Variants in C17orf67 observed in about 807,000 individuals in gnomAD.
C17orf67 encodes uncharacterized protein C17orf67.
Under a neutral mutation model 11.2 loss-of-function variants are expected in C17orf67, and 12 were observed. The observed-to-expected ratio is 1.07, with a 90% confidence interval of 0.68 to 1.73. C17orf67 has a LOEUF of 1.73. Among genes scored for constraint, C17orf67 ranks in the 40% most tolerant of loss-of-function variants. The pLI is 0.00. For synonymous variants in C17orf67, 59 were observed against 46.9 expected, an observed-to-expected ratio of 1.26 and a Z score of -1.05; for missense variants, 115 against 113.5, an observed-to-expected ratio of 1.01 and a Z score of -0.06.
chr17:56,803,098 G>A (rs755608413), intron 6 of C17orf67, among the ~76,000 whole-genome samples: 34 of 152,242 alleles, frequency 2.2e-4, no homozygotes, highest in Non-Finnish European at 2.4e-4. Context: ...TGGTGAAACA[G>A]TATAGAGTGA....
At chr17:56,815,014 G>T in intron 5 of C17orf67, 45 bp from the exon 6 acceptor site, 2 of 1,483,774 alleles carry the variant, frequency 1.3e-6, no homozygotes, top group Non-Finnish European at 1.9e-6. Context: ...AGGCTCAGGA[G>T]TTCATGAGCC....
intron 4 of C17orf67, among the ~76,000 whole-genome samples, chr17:56,823,427 C>T (rs1295111486): frequency 2.0e-5 from 3 of 152,102 alleles, no homozygotes; most frequent in Non-Finnish European, 4.4e-5. Context: ...TTGGGGAAAT[C>T]AGACACCATG....
At chr17:56,827,030 C>A (rs970961556) in intron 2 of C17orf67, among the ~76,000 whole-genome samples, 1 of 152,208 alleles carries the variant, frequency 6.6e-6, no homozygotes, top group African/African-American at 2.4e-5. Flanking sequence ...TCAGCCAGTA[C>A]GTGTTTAATA....
chr17:56,833,663 C>A lies in C17orf67; in HGVS notation c.-1047G>T, dbSNP rs1906330279. The stretch of plus-strand genomic sequence containing the variant: ...TCGGGCGGTGCCGCGCAGGCCGCCT[C>A]CCCCCCTCGCTTCCCAGTCGGCTTA... On this transcript the variant is annotated 5_prime_UTR_variant, in exon 1 of 8. The change creates a premature stop within an existing upstream ORF in the 5' untranslated region. Coordinates refer to ENST00000397861, the MANE Select transcript of C17orf67 (RefSeq NM_001085430.4). 1 of 151,822 alleles carries A rather than the reference C, an allele frequency of 6.6e-6. No homozygotes were observed. The highest frequency in any genetic ancestry group is 6.6e-5 in the Admixed American group (1 of 15,222). The allele number at this position is 151,822 out of a possible 1,614,324, so 9.4% of individuals were successfully genotyped here.
chr17:56,830,719 T>C (rs1392046061), intron 2 of C17orf67, among the ~76,000 whole-genome samples: 1 of 152,246 alleles, frequency 6.6e-6, no homozygotes, highest in Non-Finnish European at 1.5e-5. Flanking sequence ...TTCCTCTGTG[T>C]CTTTATGTTG....
intron 6 of C17orf67, among the ~76,000 whole-genome samples, chr17:56,804,420 T>C (rs1307292512): frequency 2.6e-5 from 4 of 152,172 alleles, no homozygotes; most frequent in Non-Finnish European, 5.9e-5. Flanking sequence ...ATCCTATATA[T>C]AGAATGGTGG....
At chr17:56,830,110 G>A (rs1468610370) in intron 2 of C17orf67, among the ~76,000 whole-genome samples, 2 of 152,114 alleles carry the variant, frequency 1.3e-5, no homozygotes, top group East Asian at 3.9e-4. Flanking sequence ...TTGGGAGGCT[G>A]AGGCAGGCGG....
In C17orf67 at chr17:56,810,074, GAC is replaced by G. The variant is rs146935603; in HGVS notation, c.156+4793_156+4794del. ...CCCCTCACACACCCCTCACACTTCT[GAC>G]ACACACCCTCACACACCCCTCACAC... On this transcript the variant is annotated intron_variant, in intron 6 of 7. Coordinates refer to ENST00000397861, the MANE Select transcript of C17orf67 (RefSeq NM_001085430.4). 7.1e-3 allele frequency among the ~76,000 whole-genome samples: 378 copies of G among 53,580 alleles called. 1 individual carries two copies. The highest frequency in any genetic ancestry group is 0.025 in the African/African-American group (355 of 14,076). The allele number at this position is 53,580 out of a possible 152,430, so 35.2% of individuals were successfully genotyped here.
rs1192204284 is a variant in C17orf67, at chr17:56,833,108, C to CTATG, written c.-771_-768dup. ...AACAAGTGGTCCTCGGCTCCCACTCCTATGTATGTATGTAGTAGGAAGGAA... is the reference window on the plus strand; with the variant it reads ...AACAAGTGGTCCTCGGCTCCCACTCCTATGTATGTATGTATGTAGTAGGAAGGAA... On this transcript the variant is annotated 5_prime_UTR_variant, in exon 2 of 8. Transcript: ENST00000397861. 6.6e-6 allele frequency: 1 copy of CTATG among 152,258 alleles called. No individual in the cohort carries two copies. The highest frequency in any genetic ancestry group is 1.5e-5 in the Non-Finnish European group (1 of 68,068). The allele number at this position is 152,258 out of a possible 1,614,324, so 9.4% of individuals were successfully genotyped here. A position where few individuals can be genotyped will look rare whatever the true frequency, so the allele number is the denominator to read the frequency against.
intron 6 of C17orf67, among the ~76,000 whole-genome samples, chr17:56,797,154 G>A (rs1905229256): frequency 6.6e-6 from 1 of 152,158 alleles, no homozygotes; most frequent in South Asian, 2.1e-4. Context: ...CCCTGAAATG[G>A]TTGCCTGAAG....
At chr17:56,810,038 CCT>C (rs1466841751) in intron 6 of C17orf67, among the ~76,000 whole-genome samples, 2 of 141,538 alleles carry the variant, frequency 1.4e-5, no homozygotes, top group Non-Finnish European at 3.1e-5. Flanking sequence ...CACATGCATC[CCT>C]CACACACACC....
intron 6 of C17orf67, among the ~76,000 whole-genome samples, chr17:56,803,612 A>C (rs913963258): frequency 2.6e-5 from 4 of 152,216 alleles, no homozygotes; most frequent in African/African-American, 9.7e-5. Flanking sequence ...AAAGGAGCAA[A>C]TGAATAAATG....
intron 6 of C17orf67, among the ~76,000 whole-genome samples, chr17:56,803,123 T>G (rs1310849631): frequency 6.6e-6 from 1 of 152,262 alleles, no homozygotes; most frequent in African/African-American, 2.4e-5. Flanking sequence ...AAAGGGCATA[T>G]GCAGGCAGTA....
chr17:56,832,147 C>T (rs1394872313), intron 2 of C17orf67, among the ~76,000 whole-genome samples: 2 of 152,104 alleles, frequency 1.3e-5, no homozygotes, highest in Non-Finnish European at 2.9e-5. Context: ...GGGGTTTCAC[C>T]ATCTTGACCA....
At chr17:56,801,175 G>A (rs929674045) in intron 6 of C17orf67, among the ~76,000 whole-genome samples, 18 of 152,202 alleles carry the variant, frequency 1.2e-4, no homozygotes, top group African/African-American at 3.9e-4. Flanking sequence ...TGTAATTATA[G>A]GATGTGAACC....
At position 56,828,618 on chromosome 17, in the gene C17orf67, C is replaced by A. The variant is rs369632108; in HGVS notation, c.-556-3297G>T. Among the ~76,000 whole-genome samples, 10 of 152,256 alleles carry A rather than the reference C, an allele frequency of 6.6e-5. No individual in the cohort carries two copies. The East Asian group carries it at 9.6e-4, about 15-fold the overall frequency. The stretch of plus-strand genomic sequence containing the variant: ...TCTAACATAAAAATTAAACAAACAC[C>A]TGTGTACCCACTACCCAGGTTAACA... On this transcript the variant is annotated intron_variant, in intron 2 of 7. Coordinates refer to ENST00000397861, the MANE Select transcript of C17orf67 (RefSeq NM_001085430.4).
chr17:56,806,076 G>A (rs138646410), intron 6 of C17orf67, among the ~76,000 whole-genome samples: 9,588 of 140,396 alleles, frequency 0.068, 360 homozygotes, highest in Admixed American at 0.14. Context: ...CCAGGTTCAC[G>A]CCATTCCCCT....
chr17:56,795,208 G>T (rs367717830), intron 6 of C17orf67, 28 bp from the exon 7 acceptor site: 1 of 1,601,760 alleles, frequency 6.2e-7, no homozygotes, highest in African/African-American at 1.3e-5. Flanking sequence ...ACTGAAGAAG[G>T]CTTCACCCAC....
intron 6 of C17orf67, among the ~76,000 whole-genome samples, chr17:56,807,665 T>G (rs1054694909): frequency 6.6e-6 from 1 of 152,188 alleles, no homozygotes; most frequent in African/African-American, 2.4e-5. Flanking sequence ...AACCTAGCCC[T>G]TCTTTTCGCA....
Sources: gnomAD v4.1 joint callset for allele counts (sites outside exome capture counted in the v4.1 genomes callset) on GRCh38, gnomAD v4.1.1 for gene constraint, MANE v1.5 for transcripts, NCBI Gene and HGNC (gene_info 2026-07-23, HGNC 2026-07-21) for gene names.